The following CCDC85A variants were observed in gnomAD, a reference collection of about 807,000 sequenced individuals.
CCDC85A encodes coiled-coil domain-containing protein 85A.
In CCDC85A, 38 loss-of-function variants were observed where a neutral mutation model predicts 50.2. The observed-to-expected ratio is 0.76, with a 90% CI of 0.58 to 0.99. The LOEUF (loss-of-function observed/expected upper bound fraction) is 0.99. CCDC85A is among the 50% of genes least tolerant of loss of function. The pLI is 0.00. For synonymous variants in CCDC85A, 366 were observed against 301.4 expected (o/e 1.21, Z -2.22); for missense variants, 820 against 742.0 (o/e 1.11, Z -1.22).
chr2:56,361,485 T>A (rs996049758), intron 3 of CCDC85A, among the ~76,000 whole-genome samples: 2 of 152,188 alleles, frequency 1.3e-5, no homozygotes, highest in Non-Finnish European at 1.5e-5. Context: ...TGTAATACAT[T>A]ACCCAAAAGA....
chr2:56,256,778 T>C (rs1190965151), intron 2 of CCDC85A, among the ~76,000 whole-genome samples: 1 of 152,246 alleles, frequency 6.6e-6, no homozygotes, highest in African/African-American at 2.4e-5. Flanking sequence ...GTAAATTCCC[T>C]GTGACTTCAG....
intron 2 of CCDC85A, among the ~76,000 whole-genome samples, chr2:56,234,730 G>A (rs1167645379): frequency 6.6e-6 from 1 of 151,766 alleles, no homozygotes; most frequent in Admixed American, 6.6e-5. Context: ...ATTCAGAATC[G>A]ATTTAGTTGT....
chr2:56,336,495 A>G (rs919485741), intron 2 of CCDC85A, among the ~76,000 whole-genome samples: 4 of 152,174 alleles, frequency 2.6e-5, no homozygotes, highest in African/African-American at 9.7e-5. Context: ...TTGTGTCAGA[A>G]TGGACCATTA....
intron 2 of CCDC85A, among the ~76,000 whole-genome samples, chr2:56,251,397 T>C (rs1036058543): frequency 1.3e-5 from 2 of 152,240 alleles, no homozygotes; most frequent in African/African-American, 2.4e-5. Flanking sequence ...ACGAGTTTCA[T>C]GTGAGTTTTC....
chr2:56,208,190 C>T (rs150206473), intron 2 of CCDC85A, among the ~76,000 whole-genome samples: 1 of 151,128 alleles, frequency 6.6e-6, no homozygotes, highest in African/African-American at 2.4e-5. Flanking sequence ...GGTCACATGT[C>T]TGCTTTCAAT....
intron 2 of CCDC85A, among the ~76,000 whole-genome samples, chr2:56,330,647 C>G (rs1673740459): frequency 1.3e-5 from 2 of 152,146 alleles, no homozygotes; most frequent in South Asian, 4.1e-4. Context: ...GATGTGGAAG[C>G]TGAAACCACC....
intron 2 of CCDC85A, among the ~76,000 whole-genome samples, chr2:56,315,599 G>C (rs1447506890): frequency 6.6e-6 from 1 of 152,118 alleles, no homozygotes; most frequent in African/African-American, 2.4e-5. Context: ...GTGTTAATCT[G>C]TATGCTATTC....
chr2:56,316,978 A>C (rs1051502388), intron 2 of CCDC85A, among the ~76,000 whole-genome samples: 1 of 152,046 alleles, frequency 6.6e-6, no homozygotes, highest in Non-Finnish European at 1.5e-5. Context: ...CAGAGTTACG[A>C]TTTTTCTTCT....
chr2:56,255,125 A>G (rs753879190), intron 2 of CCDC85A, among the ~76,000 whole-genome samples: 3 of 152,138 alleles, frequency 2.0e-5, no homozygotes, highest in Non-Finnish European at 4.4e-5. Context: ...TCCCACCTGG[A>G]AGTGACCCAT....
chr2:56,302,889 T>G (rs186767543), intron 2 of CCDC85A, among the ~76,000 whole-genome samples: 9 of 152,296 alleles, frequency 5.9e-5, no homozygotes, highest in African/African-American at 1.9e-4. Context: ...TCATTTGATG[T>G]ACATACTAAC....
At chr2:56,300,123 A>C (rs773289605) in intron 2 of CCDC85A, among the ~76,000 whole-genome samples, 1 of 152,132 alleles carries the variant, frequency 6.6e-6, no homozygotes, top group African/African-American at 2.4e-5. Flanking sequence ...AGCAACTGAG[A>C]TTCCCAAACC....
chr2:56,274,726 C>T (rs935930012), intron 2 of CCDC85A, among the ~76,000 whole-genome samples: 22 of 152,158 alleles, frequency 1.4e-4, no homozygotes, highest in Admixed American at 5.9e-4. Flanking sequence ...ATCTATTAAG[C>T]GTAAGCTATG....
intron 2 of CCDC85A, among the ~76,000 whole-genome samples, chr2:56,338,885 C>CA (rs1392260467): frequency 4.6e-5 from 7 of 152,098 alleles, no homozygotes; most frequent in Admixed American, 3.9e-4. Flanking sequence ...ATGGTGTAAT[C>CA]AGTTTCTTTC....
intron 2 of CCDC85A, among the ~76,000 whole-genome samples, chr2:56,252,843 CT>C (rs957349906): frequency 3.9e-5 from 6 of 151,984 alleles, no homozygotes. Flanking sequence ...TGGTTTCCAG[CT>C]TCATCCATGT....
At chr2:56,344,522 G>A (rs1312964372) in intron 3 of CCDC85A, among the ~76,000 whole-genome samples, 1 of 152,086 alleles carries the variant, frequency 6.6e-6, no homozygotes, top group African/African-American at 2.4e-5. Context: ...TGAGGCTAAG[G>A]GTGGAATTCT....
chr2:56,185,114 ACTGT>A (rs891400312), intron 1 of CCDC85A, among the ~76,000 whole-genome samples: 2 of 127,334 alleles, frequency 1.6e-5, no homozygotes, highest in African/African-American at 5.5e-5. Flanking sequence ...GGGGCGCTCC[ACTGT>A]CTGGCTGTTC....
At chr2:56,319,011 G>C (rs1174271438) in intron 2 of CCDC85A, among the ~76,000 whole-genome samples, 1 of 152,104 alleles carries the variant, frequency 6.6e-6, no homozygotes, top group African/African-American at 2.4e-5. Context: ...CTGCCGTCAT[G>C]ATGCTGGAGC....
At chr2:56,375,391 G>T (rs115593118) in intron 4 of CCDC85A, among the ~76,000 whole-genome samples, 2,093 of 152,288 alleles carry the variant, frequency 0.014, 18 homozygotes, top group Middle Eastern at 0.02. Context: ...TTTTATAAGA[G>T]ACACAGTTTC....
rs1276290668 is a variant in CCDC85A at position 56,192,713 on chromosome 2, A to G, written c.513A>G (p.Leu171=). ...ENMELKELCV[L]LDEEKGAGCA... is the part of the protein sequence containing the mutation. ...TGGAGCTCAAGGAGCTCTGTGTGCT[A>G]CTAGATGAGGAGAAGGGTGCAGGCT... is the stretch of plus-strand genomic sequence containing the variant. Residue 171 remains leucine, a synonymous_variant, in exon 2 of 6, where the codon CTA becomes CTG. Transcript: ENST00000407595. The surrounding 1 kb of genome is among the most constrained non-coding windows in gnomAD (Gnocchi z 4.7). The G allele has an allele frequency of 6.8e-6, 11 of 1,613,724 alleles. No individual in the cohort carries two copies. The highest frequency in any genetic ancestry group is 8.5e-6 in the Non-Finnish European group (10 of 1,179,864).
Sources: gnomAD v4.1 joint callset for allele counts (sites outside exome capture counted in the v4.1 genomes callset) on GRCh38, gnomAD v4.1.1 for gene constraint, Gnocchi (gnomAD v3.1) non-coding constraint, MANE v1.5 for transcripts, NCBI Gene and HGNC (gene_info 2026-07-23, HGNC 2026-07-21) for gene names.